Variants in B3GALT5 observed in about 807,000 individuals in gnomAD.
B3GALT5 encodes beta-1,3-galactosyltransferase 5.
For missense variants in B3GALT5, 328 were observed against 396.6 expected (o/e 0.83, Z 1.47); for synonymous variants, 156 against 158.6 (o/e 0.98, Z 0.12).
intron 2 of B3GALT5, among the ~76,000 whole-genome samples, chr21:39,648,743 C>T (rs1411702519): frequency 6.6e-6 from 1 of 152,174 alleles, no homozygotes; most frequent in African/African-American, 2.4e-5. Flanking sequence ...AGGCCTCACC[C>T]CCAAAGGGAT....
chr21:39,664,908 C>T lies in B3GALT5; in HGVS notation c.*3416C>T, dbSNP rs955187798. On this transcript the variant is annotated 3_prime_UTR_variant, in exon 4 of 4. Transcript: ENST00000684187. ...CAGTGTCGTGCTGGAGGATCCTGGGCTCTGCGTGGGGCCCCCTTTCTTCCC... is the reference window on the plus strand; with the variant it reads ...CAGTGTCGTGCTGGAGGATCCTGGGTTCTGCGTGGGGCCCCCTTTCTTCCC... 6 of 152,306 alleles carry T rather than the reference C, an allele frequency of 3.9e-5. No homozygotes were observed. The highest frequency in any genetic ancestry group is 1.4e-4 in the African/African-American group (6 of 41,380). The allele number at this position is 152,306 out of a possible 1,614,324, so 9.4% of individuals were successfully genotyped here.
At chr21:39,639,394 C>CCTTCTT (rs2079264298) in intron 1 of B3GALT5, among the ~76,000 whole-genome samples, 2 of 92,584 alleles carry the variant, frequency 2.2e-5, no homozygotes, top group East Asian at 3.2e-4. Context: ...TTCCTTCCTT[C>CCTTCTT]TTTCTTTTTC....
At chr21:39,646,773 G>C (rs2146205206) in intron 2 of B3GALT5, among the ~76,000 whole-genome samples, 151 bp downstream of exon 2, 1 of 152,292 alleles carries the variant, frequency 6.6e-6, no homozygotes, top group African/African-American at 2.4e-5. Context: ...GAGAGAAAGA[G>C]GAAAGCAAAA....
At position 39,672,698 on chromosome 21, in the gene B3GALT5, A is replaced by G. The variant is rs2079640905; in HGVS notation, c.*11206A>G. The G allele has an allele frequency of 6.6e-6, 1 of 152,222 alleles. No homozygotes were observed. Among genetic ancestry groups the G allele is most frequent in the South Asian group, 2.1e-4 (1 of 4,830 alleles). 9.4% of individuals were successfully genotyped at this position (152,222 alleles called of 1,614,324 possible). A position where few individuals can be genotyped will look rare whatever the true frequency, so the allele number is the denominator to read the frequency against. ...AATCGGACAATCCTTTTGTTTTTAC[A>G]TTGATGTTTTCTATATTTATTTTGT... On this transcript the variant is annotated 3_prime_UTR_variant, in exon 4 of 4. Transcript: ENST00000684187.
At position 39,660,553 on chromosome 21, in the gene B3GALT5, C is replaced by A. The variant is rs2079502638; in HGVS notation, c.1-7C>A. 7.1e-7 allele frequency: 1 copy of A among 1,414,586 alleles called. No individual in the cohort carries two copies. Among genetic ancestry groups the A allele is most frequent in the African/African-American group, 1.4e-5 (1 of 69,756 alleles). The allele number at this position is 1,414,586 out of a possible 1,614,324, so 87.6% of individuals were successfully genotyped here. A position where few individuals can be genotyped will look rare whatever the true frequency, so the allele number is the denominator to read the frequency against. On this transcript the variant is annotated splice_polypyrimidine_tract_variant and splice_region_variant and intron_variant, in intron 3 of 3. Coordinates refer to ENST00000684187, the MANE Select transcript of B3GALT5 (RefSeq NM_001356336.2). ...GAGGTCTAATCATTGGATTTTGTTC[C>A]TTTCAGATGGCTTTCCCGAAGATGA...
At chr21:39,660,162 C>T (rs2079496499) in intron 3 of B3GALT5, among the ~76,000 whole-genome samples, 1 of 152,194 alleles carries the variant, frequency 6.6e-6, no homozygotes, top group Non-Finnish European at 1.5e-5. Context: ...GTGGTCCATA[C>T]ATTTAGATCT....
intron 1 of B3GALT5, among the ~76,000 whole-genome samples, chr21:39,632,793 G>T: frequency 6.6e-6 from 1 of 152,158 alleles, no homozygotes; most frequent in Non-Finnish European, 1.5e-5. Context: ...ATAAATGTGG[G>T]TGCTCCTTGA....
At chr21:39,658,280 T>G (rs2079469754) in intron 2 of B3GALT5, among the ~76,000 whole-genome samples, 1 of 152,064 alleles carries the variant, frequency 6.6e-6, no homozygotes, top group African/African-American at 2.4e-5. Context: ...GCACCTGCTC[T>G]GCCTCCTGGG....
Position 39,639,347 on chromosome 21 carries a change from TTTCCTTCC to T in B3GALT5, c.-391-7005_-391-6998del, listed in dbSNP as rs71184690. ...CTTTCTTTCTTTCTTTCTTTCTTTC[TTTCCTTCC>T]TTCCTTCCTTCCTTCCTTCCTTCCT... On this transcript the variant is annotated intron_variant, in intron 1 of 3. Transcript: ENST00000684187. Among the ~76,000 whole-genome samples, 112 of 66,740 alleles carry T rather than the reference TTTCCTTCC, an allele frequency of 1.7e-3. 1 individual carries two copies. Among genetic ancestry groups the T allele is most frequent in the African/African-American group, 5.0e-3 (81 of 16,124 alleles). 43.8% of individuals were successfully genotyped at this position (66,740 alleles called of 152,430 possible).
chr21:39,655,700 C>T (rs762063087), intron 2 of B3GALT5, among the ~76,000 whole-genome samples: 6 of 152,108 alleles, frequency 3.9e-5, no homozygotes, highest in Non-Finnish European at 7.4e-5. Context: ...TCACTAGTCT[C>T]GTGGAAAATT....
At chr21:39,639,109 C>T (rs2079252243) in intron 1 of B3GALT5, among the ~76,000 whole-genome samples, 1 of 152,188 alleles carries the variant, frequency 6.6e-6, no homozygotes. Flanking sequence ...TTAATTTCTG[C>T]CATGTAGACG....
intron 1 of B3GALT5, among the ~76,000 whole-genome samples, chr21:39,633,791 C>CAT: frequency 6.6e-6 from 1 of 152,296 alleles, no homozygotes; most frequent in African/African-American, 2.4e-5. Context: ...AAATTGCTTT[C>CAT]ATATATATTT....
At chr21:39,618,529 T>G (rs2123682560) in intron 1 of B3GALT5, among the ~76,000 whole-genome samples, 1 of 152,372 alleles carries the variant, frequency 6.6e-6, no homozygotes, top group South Asian at 2.1e-4. Context: ...AGATGCATTT[T>G]CCTGATTCTA....
At chr21:39,644,683 G>A (rs772088069) in intron 1 of B3GALT5, among the ~76,000 whole-genome samples, 1 of 152,162 alleles carries the variant, frequency 6.6e-6, no homozygotes, top group Non-Finnish European at 1.5e-5. Context: ...GGGAAAGGGA[G>A]CTAGTATTTA....
At chr21:39,627,457 T>G (rs1166439361) in intron 1 of B3GALT5, among the ~76,000 whole-genome samples, 1 of 152,210 alleles carries the variant, frequency 6.6e-6, no homozygotes, top group East Asian at 1.9e-4. Flanking sequence ...TGAAAAGTAC[T>G]TAGAACAGTT....
At chr21:39,628,239 C>T (rs1371109318) in intron 1 of B3GALT5, among the ~76,000 whole-genome samples, 4 of 152,128 alleles carry the variant, frequency 2.6e-5, no homozygotes, top group Non-Finnish European at 4.4e-5. Context: ...GAGAAATCAA[C>T]ATAAAAATGT....
Position 39,667,779 on chromosome 21 carries a change from G to T in B3GALT5, c.*6287G>T, listed in dbSNP as rs1003600762. 1 of 152,240 alleles carries T rather than the reference G, an allele frequency of 6.6e-6. No individual in the cohort carries two copies. The highest frequency in any genetic ancestry group is 1.5e-5 in the Non-Finnish European group (1 of 68,062). 9.4% of individuals were successfully genotyped at this position (152,240 alleles called of 1,614,324 possible). On this transcript the variant is annotated 3_prime_UTR_variant, in exon 4 of 4. Transcript: ENST00000684187. Reference sequence around the variant, plus strand: ...GGAGGATACTAACTGGGGAAGAGGAGACCTTGCTTCCAGGGCTGGGCGACC... The same window carrying T: ...GGAGGATACTAACTGGGGAAGAGGATACCTTGCTTCCAGGGCTGGGCGACC...
chr21:39,643,102 T>C (rs1602278627), intron 1 of B3GALT5, among the ~76,000 whole-genome samples: 1 of 148,260 alleles, frequency 6.7e-6, no homozygotes, highest in Non-Finnish European at 1.5e-5. Context: ...ATAGACACAG[T>C]GGGGAGGGGT....
chr21:39,614,694 T>TA (rs2079098389), intron 1 of B3GALT5, among the ~76,000 whole-genome samples: 1 of 152,196 alleles, frequency 6.6e-6, no homozygotes, highest in Non-Finnish European at 1.5e-5. Context: ...CCTGGACAGC[T>TA]ACAGATTCAG....
Sources: gnomAD v4.1 joint callset for allele counts (sites outside exome capture counted in the v4.1 genomes callset) on GRCh38, gnomAD v4.1.1 for gene constraint, MANE v1.5 for transcripts, NCBI Gene and HGNC (gene_info 2026-07-23, HGNC 2026-07-21) for gene names.